The following MAK variants were observed in gnomAD, a reference collection of about 807,000 sequenced individuals.
The protein encoded by MAK is serine/threonine-protein kinase MAK.
Under a neutral mutation model 82.6 loss-of-function variants are expected in MAK, and 65 were observed. That is an observed-to-expected ratio of 0.79 (90% CI 0.64 to 0.97). The LOEUF is 0.97. Among genes scored for constraint, MAK ranks in the 50% least tolerant of loss-of-function variants. The pLI is 0.00. For missense variants in MAK, 703 were observed against 780.2 expected, an observed-to-expected ratio of 0.90 and a Z score of 1.18; for synonymous variants, 250 against 274.2, an observed-to-expected ratio of 0.91 and a Z score of 0.87.
intron 6 of MAK, among the ~76,000 whole-genome samples, chr6:10,806,505 A>ATTTT (rs70991049): frequency 7.7e-5 from 9 of 117,124 alleles, no homozygotes; most frequent in African/African-American, 1.3e-4. Flanking sequence ...CACCCGTCTA[A>ATTTT]TTTTTTTTTT....
chr6:10,802,976 A>C (rs928106095), intron 7 of MAK, among the ~76,000 whole-genome samples: 1 of 152,198 alleles, frequency 6.6e-6, no homozygotes. Flanking sequence ...CACAGGGGAG[A>C]TATAAAAAAG....
chr6:10,777,408 CA>C (rs57082378), intron 11 of MAK, among the ~76,000 whole-genome samples: 102,245 of 137,736 alleles, frequency 0.74, 36,528 homozygotes, highest in South Asian at 0.81. Context: ...AAGACTGTCA[CA>C]AAAAAAAAAA....
chr6:10,772,942 C>T (rs1773148937), intron 13 of MAK, 92 bp downstream of exon 13: 1 of 836,064 alleles, frequency 1.2e-6, no homozygotes, highest in Middle Eastern at 2.2e-4. Context: ...TCATCTCGGC[C>T]TTTTATGTCA....
chr6:10,818,917 C>A lies in MAK; in HGVS notation c.125G>T (p.Trp42Leu), dbSNP rs749261144. 12 of 1,590,494 alleles carry A rather than the reference C, an allele frequency of 7.5e-6. No homozygotes were observed. The South Asian group carries it at 1.3e-4, about 18-fold the overall frequency. ...IKRMKRKFYS[W>L]DECMNLREVK... ...TTCTCTCAAGTTCATGCATTCATCC[C>A]AAGAATAGAACTTTCTCTTCATCCT... The change falls in exon 3 of 15, where the codon TGG (tryptophan) becomes TTG (leucine). Residue 42 changes from tryptophan (W) to leucine (L), a missense_variant. Transcript: ENST00000354489.
intron 5 of MAK, among the ~76,000 whole-genome samples, chr6:10,809,291 G>A (rs142234565): frequency 2.0e-5 from 3 of 152,312 alleles, no homozygotes; most frequent in East Asian, 1.9e-4. Context: ...AGGAGGTACT[G>A]TTATCACTAT....
intron 14 of MAK, 93 bp downstream of exon 14, chr6:10,770,018 T>A: frequency 6.2e-7 from 1 of 1,608,356 alleles, no homozygotes; most frequent in South Asian, 1.1e-5. Context: ...TGACTAAAAG[T>A]CTTCGCTTGG....
At position 10,773,071 on chromosome 6, in the gene MAK, G is replaced by A; in HGVS notation, c.1635C>T (p.Cys545=). ...CTAATTTTTCAGGAAAAGTTTCATT[G>A]CATGATAGTTTTTCGATTGGTTTAA... ...SIIKPIEKLS[C]NETFPEKLED... Residue 545 remains cysteine, a synonymous_variant, in exon 13 of 15, where the codon TGC becomes TGT. Coordinates refer to ENST00000354489, the MANE Select transcript of MAK (RefSeq NM_001242957.3). 6.5e-7 allele frequency: 1 copy of A among 1,530,738 alleles called. No homozygotes were observed. Among genetic ancestry groups the A allele is most frequent in the Non-Finnish European group, 8.8e-7 (1 of 1,142,792 alleles). The allele number at this position is 1,530,738 out of a possible 1,614,324, so 94.8% of individuals were successfully genotyped here.
chr6:10,772,044 G>C (rs1326607009), intron 13 of MAK, among the ~76,000 whole-genome samples: 1 of 152,178 alleles, frequency 6.6e-6, no homozygotes, highest in African/African-American at 2.4e-5. Flanking sequence ...TTTTATGGAC[G>C]GGAAAGCTGG....
At chr6:10,796,805 CAAAA>C (rs70991046) in intron 8 of MAK, among the ~76,000 whole-genome samples, 9 of 122,492 alleles carry the variant, frequency 7.3e-5, no homozygotes, top group Non-Finnish European at 8.6e-5. Context: ...GACTCCACCT[CAAAA>C]AAAAAAAAAA....
intron 9 of MAK, among the ~76,000 whole-genome samples, chr6:10,792,355 G>A (rs1775161801): frequency 4.6e-5 from 7 of 152,224 alleles, no homozygotes; most frequent in Admixed American, 4.6e-4. Flanking sequence ...GGAGCGGGAA[G>A]CCAGCAGCAG....
Position 10,817,871 on chromosome 6 carries a change from A to C in MAK, c.257T>G (p.Leu86Arg), listed in dbSNP as rs775458619. 4.7e-6 allele frequency: 7 copies of C among 1,477,102 alleles called. No homozygotes were observed. In the African/African-American group the frequency reaches 9.7e-5, roughly 20 times the overall value. The allele number at this position is 1,477,102 out of a possible 1,614,324, so 91.5% of individuals were successfully genotyped here. A position where few individuals can be genotyped will look rare whatever the true frequency, so the allele number is the denominator to read the frequency against. The change falls in exon 4 of 15, where the codon CTC (leucine) becomes CGC (arginine). Residue 86 changes from leucine (L) to arginine (R), a missense_variant. By Grantham distance (102) the Leu-to-Arg change is moderately radical. Transcript: ENST00000354489. The stretch of plus-strand genomic sequence containing the variant: ...ATACCTGTCTTTCATTAATTGATAG[A>C]GGTTTTCTTTCATATATTCAAATAT... Reference protein sequence around the residue: ...YFIFEYMKENLYQLMKDRNKL... With the variant: ...YFIFEYMKENRYQLMKDRNKL...
chr6:10,765,471 T>TTTTTTTTTTTTTTTTTTTTA (rs1561923828), intron 14 of MAK, among the ~76,000 whole-genome samples: 4 of 114,960 alleles, frequency 3.5e-5, no homozygotes, highest in African/African-American at 1.0e-4. Context: ...TTTTTTTTTT[T>TTTTTTTTTTTTTTTTTTTTA]TTAATGAGGC....
intron 11 of MAK, among the ~76,000 whole-genome samples, chr6:10,782,768 G>A (rs1774118862): frequency 6.6e-6 from 1 of 151,918 alleles, no homozygotes; most frequent in Non-Finnish European, 1.5e-5. Context: ...AGTAGAGACG[G>A]GGTTTCACCA....
chr6:10,792,874 A>T (rs1173487866), intron 9 of MAK, among the ~76,000 whole-genome samples: 8 of 151,922 alleles, frequency 5.3e-5, no homozygotes, highest in Admixed American at 1.3e-4. Flanking sequence ...TAAAGAGAAT[A>T]AAAAAAATGT....
intron 11 of MAK, among the ~76,000 whole-genome samples, chr6:10,780,742 C>T (rs558566664): frequency 3.9e-5 from 6 of 151,910 alleles, no homozygotes; most frequent in Non-Finnish European, 5.9e-5. Context: ...CGACAGCACC[C>T]GGCAAAATGT....
At chr6:10,765,422 G>T (rs923310457) in intron 14 of MAK, among the ~76,000 whole-genome samples, 1 of 141,710 alleles carries the variant, frequency 7.1e-6, no homozygotes, top group Non-Finnish European at 1.5e-5. Context: ...ACATTAAAAT[G>T]TGGGTTTTAG....
chr6:10,797,584 T>C (rs1020077089), intron 8 of MAK: 1 of 985,082 alleles, frequency 1.0e-6, no homozygotes, highest in African/African-American at 1.7e-5. Context: ...GTAGCTCAGC[T>C]ATGGAAAAAT....
intron 11 of MAK, among the ~76,000 whole-genome samples, chr6:10,778,896 G>A (rs956226836): frequency 2.6e-5 from 4 of 152,044 alleles, no homozygotes; most frequent in African/African-American, 9.7e-5. Context: ...GGGAGGCTGA[G>A]GTGGGCGGAT....
At chr6:10,773,837 G>A (rs546477226) in intron 12 of MAK, among the ~76,000 whole-genome samples, 10 of 151,848 alleles carry the variant, frequency 6.6e-5, no homozygotes, top group East Asian at 3.9e-4. Flanking sequence ...ATTTATAGGC[G>A]CATGCCACCA....
Sources: allele counts gnomAD v4.1 joint callset (sites outside exome capture counted in the v4.1 genomes callset), GRCh38; gene constraint gnomAD v4.1.1; transcripts MANE v1.5; gene names NCBI Gene and HGNC (gene_info 2026-07-23, HGNC 2026-07-21).